The following PCDHGB1 variants were observed in gnomAD, a reference collection of about 807,000 sequenced individuals.
The protein encoded by PCDHGB1 is protocadherin gamma-B1.
PCDHGB1 carries 34 observed loss-of-function variants against 56.6 expected under a neutral mutation model. The observed-to-expected ratio is 0.60, with a 90% CI of 0.46 to 0.80. PCDHGB1 has a LOEUF of 0.80. Ranked by LOEUF, PCDHGB1 falls within the 30% of genes least tolerant of loss-of-function variation. The pLI is 0.00. For missense variants in PCDHGB1, 1,278 were observed against 1,204.6 expected (o/e 1.06, Z -0.90); for synonymous variants, 561 against 505.9 (o/e 1.11, Z -1.46).
intron 1 of PCDHGB1, chr5:141,416,636 C>A (rs2096047139): frequency 6.6e-6 from 1 of 152,066 alleles, no homozygotes; most frequent in South Asian, 2.1e-4. Context: ...AATATAAACA[C>A]CAACCACAGC....
At chr5:141,430,595 G>C (rs549786394) in intron 1 of PCDHGB1, 1 of 567,016 alleles carries the variant, frequency 1.8e-6, no homozygotes. Flanking sequence ...CCTTGCACGC[G>C]CCTGAAGCAC....
intron 1 of PCDHGB1, chr5:141,423,111 T>C (rs1394665462): frequency 3.1e-6 from 5 of 1,613,718 alleles, no homozygotes; most frequent in South Asian, 1.1e-5. Flanking sequence ...GCGAGGTGCG[T>C]ACAGCGCGGG....
At chr5:141,466,054 G>A (rs2099115921) in intron 1 of PCDHGB1, among the ~76,000 whole-genome samples, 1 of 152,080 alleles carries the variant, frequency 6.6e-6, no homozygotes, top group Non-Finnish European at 1.5e-5. Context: ...CCCAGGAGAC[G>A]GAGCTTGCAG....
chr5:141,447,541 A>G (rs2098542324), intron 1 of PCDHGB1, among the ~76,000 whole-genome samples: 1 of 152,218 alleles, frequency 6.6e-6, no homozygotes, highest in Non-Finnish European at 1.5e-5. Flanking sequence ...TTGGGTTTTA[A>G]TGTTATGAGT....
At position 141,357,474 on chromosome 5, in the gene PCDHGB1, C is replaced by T. The variant is rs530149154; in HGVS notation, c.2409+4805C>T. On this transcript the variant is annotated intron_variant, in intron 1 of 3. Transcript: ENST00000523390. The stretch of plus-strand genomic sequence containing the variant: ...TGCAGACCTATTCCCACGAGGTCTC[C>T]CTCACCGCGGACTCGCGGAAGAGTC... The T allele has an allele frequency of 2.5e-6, 4 of 1,614,220 alleles. No homozygotes were observed. In the South Asian group the frequency reaches 3.3e-5, roughly 13 times the overall value.
chr5:141,438,767 T>C (rs1478209487), intron 1 of PCDHGB1, among the ~76,000 whole-genome samples: 2 of 148,566 alleles, frequency 1.3e-5, no homozygotes, highest in Non-Finnish European at 3.0e-5. Flanking sequence ...GTTCAAGCGA[T>C]TCTCCTGCCT....
intron 1 of PCDHGB1, chr5:141,415,423 G>A: frequency 1.2e-6 from 2 of 1,614,204 alleles, no homozygotes; most frequent in Non-Finnish European, 1.7e-6. Context: ...CGTGGACGGG[G>A]TTCGGGCTTT....
intron 1 of PCDHGB1, among the ~76,000 whole-genome samples, chr5:141,455,899 ATTT>A (rs1561962776): frequency 1.3e-5 from 2 of 148,258 alleles, no homozygotes; most frequent in Non-Finnish European, 3.0e-5. Flanking sequence ...TTATTTATTT[ATTT>A]ATTTATTTAT....
At chr5:141,405,377 G>T (rs763495028) in intron 1 of PCDHGB1, 29 of 1,603,350 alleles carry the variant, frequency 1.8e-5, no homozygotes, top group Admixed American at 3.5e-5. Flanking sequence ...TTTGGTTCCG[G>T]TGAGTTCATT....
intron 1 of PCDHGB1, chr5:141,362,170 C>T (rs1394296027): frequency 6.2e-7 from 1 of 1,614,036 alleles, no homozygotes; most frequent in East Asian, 2.2e-5. Flanking sequence ...CAGCGACCGC[C>T]GGGAGCCCTC....
Position 141,432,098 on chromosome 5 carries a change from G to C in PCDHGB1, c.2410-62709G>C, listed in dbSNP as rs771050429. The C allele has an allele frequency of 1.9e-6, 3 of 1,613,938 alleles. No homozygotes were observed. The highest frequency in any genetic ancestry group is 1.7e-5 in the Admixed American group (1 of 59,992). On this transcript the variant is annotated intron_variant, in intron 1 of 3. Transcript: ENST00000523390. The surrounding 1 kb of genome is among the most constrained non-coding windows in gnomAD (Gnocchi z 6.0). ...CTCGCTGAACGTGGCAGACACCAAC[G>C]ACAACCCGCCGGTCTTCCCTCAGGC...
intron 1 of PCDHGB1, among the ~76,000 whole-genome samples, chr5:141,436,604 G>A (rs2097836057): frequency 6.6e-6 from 1 of 152,146 alleles, no homozygotes; most frequent in Admixed American, 6.5e-5. Context: ...GTGATGGCTA[G>A]GGCTAACAAA....
intron 1 of PCDHGB1, chr5:141,399,413 C>T (rs1456440098): frequency 2.5e-5 from 41 of 1,613,930 alleles, no homozygotes; most frequent in Non-Finnish European, 3.2e-5. Context: ...CCGCCCCTCT[C>T]CTCCAGCATA....
chr5:141,377,925 G>A (rs1473713121), intron 1 of PCDHGB1: 1 of 152,134 alleles, frequency 6.6e-6, no homozygotes, highest in Non-Finnish European at 1.5e-5. Context: ...AAATCCACCT[G>A]TAACTGCTGC....
At chr5:141,452,673 G>A (rs2098746812) in intron 1 of PCDHGB1, among the ~76,000 whole-genome samples, 1 of 151,896 alleles carries the variant, frequency 6.6e-6, no homozygotes, top group Non-Finnish European at 1.5e-5. Flanking sequence ...CTCCAGCCTA[G>A]GCCACAGAAT....
intron 1 of PCDHGB1, chr5:141,430,753 G>C (rs1175014357): frequency 6.6e-7 from 1 of 1,504,258 alleles, no homozygotes. Context: ...TCTGGAGGAA[G>C]ATAAGAATGA....
In PCDHGB1 at chr5:141,420,274, GGTAA is replaced by G. The variant is rs1362175190; in HGVS notation, c.2409+67609_2409+67612del. 5.9e-6 allele frequency: 9 copies of G among 1,525,426 alleles called. 1 individual carries two copies. The highest frequency in any genetic ancestry group is 2.1e-5 in the Admixed American group (1 of 48,284). 94.5% of individuals were successfully genotyped at this position (1,525,426 alleles called of 1,614,324 possible). On this transcript the variant is annotated intron_variant, in intron 1 of 3. Coordinates refer to ENST00000523390, the MANE Select transcript of PCDHGB1 (RefSeq NM_018922.3). ...AAGCAGATAAGAAGATTCTTAAACAGGTAAGTATTTAAAAATGTATTTAATCCTT... is the reference window on the plus strand; with the variant it reads ...AAGCAGATAAGAAGATTCTTAAACAGGTATTTAAAAATGTATTTAATCCTT...
At chr5:141,371,584 A>C in intron 1 of PCDHGB1, 1 of 1,613,962 alleles carries the variant, frequency 6.2e-7, no homozygotes, top group Non-Finnish European at 8.5e-7. Flanking sequence ...ATCGTTCAAG[A>C]TACCAAAAAC....
At chr5:141,500,370 G>C (rs766183384) in intron 2 of PCDHGB1, among the ~76,000 whole-genome samples, 1 of 151,644 alleles carries the variant, frequency 6.6e-6, no homozygotes, top group Non-Finnish European at 1.5e-5. Flanking sequence ...TACCACGCCC[G>C]GCTAATTATT....
Sources: allele counts gnomAD v4.1 joint callset (sites outside exome capture counted in the v4.1 genomes callset), GRCh38; gene constraint gnomAD v4.1.1; non-coding constraint Gnocchi (gnomAD v3.1); transcripts MANE v1.5; gene names NCBI Gene and HGNC (gene_info 2026-07-23, HGNC 2026-07-21).